The following IGSF10 variants were observed in gnomAD, a reference collection of about 807,000 sequenced individuals.
IGSF10 encodes the protein immunoglobulin superfamily member 10, also known as calvaria mechanical force protein 608.
Under a neutral mutation model 128.2 loss-of-function variants are expected in IGSF10, and 126 were observed. The ratio of observed to expected loss-of-function variants is 0.98; its 90% CI spans 0.85 to 1.14. IGSF10 has a LOEUF of 1.14. Among genes scored for constraint, IGSF10 ranks in the 50% most tolerant of loss-of-function variants. IGSF10 has a pLI of 0.00. For synonymous variants in IGSF10, 1,185 were observed against 1,146.2 expected, an observed-to-expected ratio of 1.03 and a Z score of -0.68; for missense variants, 3,295 against 3,149.8, an observed-to-expected ratio of 1.05 and a Z score of -1.10.
chr3:151,461,301 C>T (rs959551323), upstream of IGSF10: 30 of 985,328 alleles, frequency 3.0e-5, no homozygotes, highest in Admixed American at 6.1e-5. Context: ...CCTCCTTGAC[C>T]TCTTCCACCT....
the IGSF10 span, among the ~76,000 whole-genome samples, chr3:151,561,172 C>A: frequency 1.3e-5 from 2 of 152,106 alleles, no homozygotes; most frequent in Non-Finnish European, 2.9e-5. Flanking sequence ...CGAATCAGAA[C>A]AACAAGCAGC....
At chr3:151,561,734 G>C in the IGSF10 span, among the ~76,000 whole-genome samples, 11 of 152,054 alleles carry the variant, frequency 7.2e-5, no homozygotes, top group African/African-American at 2.7e-4. Flanking sequence ...AATAGGAAGG[G>C]GAGTGGGGAG....
At chr3:151,577,664 T>A in the IGSF10 span, among the ~76,000 whole-genome samples, 1 of 151,840 alleles carries the variant, frequency 6.6e-6, no homozygotes, top group African/African-American at 2.4e-5. Context: ...AAAAAAAAAA[T>A]CCACAAATGC....
At chr3:151,456,984 AC>A in intron 4 of IGSF10, 41 bp downstream of exon 4, 1 of 1,611,456 alleles carries the variant, frequency 6.2e-7, no homozygotes, top group Non-Finnish European at 8.5e-7. Context: ...CACAGGTCCC[AC>A]CTTACCTCTT....
At chr3:151,591,741 G>C in the IGSF10 span, among the ~76,000 whole-genome samples, 3 of 151,988 alleles carry the variant, frequency 2.0e-5, no homozygotes, top group Non-Finnish European at 4.4e-5. Flanking sequence ...ACTTAAGCCT[G>C]GCCTGGAAAA....
In IGSF10 at chr3:151,436,552, C is replaced by CTTTTA; in HGVS notation, c.*132_*136dup. On this transcript the variant is annotated 3_prime_UTR_variant, in exon 8 of 8. Coordinates refer to ENST00000282466, the MANE Select transcript of IGSF10 (RefSeq NM_178822.5). ...TTCATAATGCATTTATTTACAAGTC[C>CTTTTA]TTTTATTTTGCATGTTCATTGTAAA... is the stretch of plus-strand genomic sequence containing the variant. The CTTTTA allele has an allele frequency of 1.6e-6, 1 of 614,618 alleles. No homozygotes were observed. Among genetic ancestry groups the CTTTTA allele is most frequent in the Non-Finnish European group, 2.8e-6 (1 of 360,804 alleles). 38.1% of individuals were successfully genotyped at this position (614,618 alleles called of 1,614,324 possible).
chr3:151,441,465 T>C (rs1465756440), intron 7 of IGSF10, among the ~76,000 whole-genome samples: 1 of 152,210 alleles, frequency 6.6e-6, no homozygotes, highest in Non-Finnish European at 1.5e-5. Context: ...AATTAACATT[T>C]ACTTTTGAAC....
the IGSF10 span, among the ~76,000 whole-genome samples, chr3:151,539,765 C>CATCTATCTATCTATCT: frequency 2.8e-4 from 41 of 146,484 alleles, no homozygotes; most frequent in South Asian, 4.5e-4. Context: ...ATTTCAACAG[C>CATCTATCTATCTATCT]ATCTATCTAT....
the IGSF10 span, among the ~76,000 whole-genome samples, chr3:151,534,858 T>C: frequency 6.6e-6 from 1 of 151,458 alleles, no homozygotes; most frequent in Non-Finnish European, 1.5e-5. Context: ...GTTATAGGAA[T>C]CTAGAGGAAA....
chr3:151,511,646 C>A, the IGSF10 span, among the ~76,000 whole-genome samples: 1 of 152,130 alleles, frequency 6.6e-6, no homozygotes, highest in East Asian at 1.9e-4. Flanking sequence ...GGGCTAAATG[C>A]TCCAATTAAA....
In IGSF10 at chr3:151,446,913, A is replaced by G. The variant is rs2108552227; in HGVS notation, c.3068T>C (p.Ile1023Thr). 1.9e-6 allele frequency: 3 copies of G among 1,614,212 alleles called. No homozygotes were observed. In the Middle Eastern group the frequency reaches 4.9e-4, roughly 266 times the overall value. The change falls in exon 6 of 8, where the codon ATC becomes ACC. Residue 1023 changes from isoleucine (I) to threonine (T), a missense_variant. Ile to Thr is a moderately conservative substitution (Grantham distance 89). Transcript: ENST00000282466. The part of the protein sequence containing the change: ...QRKIGGRGRI[I>T]SPYRTPVLRR... ...CAGAACTGGAGTTCTATATGGGCTG[A>G]TAATCCGCCCCCTTCCGCCAATTTT...
chr3:151,524,328 T>C, the IGSF10 span, among the ~76,000 whole-genome samples: 5 of 152,048 alleles, frequency 3.3e-5, no homozygotes, highest in Non-Finnish European at 7.4e-5. Flanking sequence ...CACAGGGACA[T>C]GAATGTTCAC....
the IGSF10 span, among the ~76,000 whole-genome samples, chr3:151,586,076 C>T: frequency 6.6e-6 from 1 of 151,574 alleles, no homozygotes; most frequent in Non-Finnish European, 1.5e-5. Context: ...ACCTCCCGAG[C>T]TCAAGCAATC....
At chr3:151,435,316 T>C (rs1210015319), downstream of IGSF10, 1 of 150,790 alleles carries the variant, frequency 6.6e-6, no homozygotes, top group Non-Finnish European at 1.5e-5. Flanking sequence ...CTGTAGGCTT[T>C]TTCTTAATAG....
At chr3:151,531,253 C>T in the IGSF10 span, among the ~76,000 whole-genome samples, 3 of 152,080 alleles carry the variant, frequency 2.0e-5, no homozygotes, top group African/African-American at 4.8e-5. Flanking sequence ...GACTTTAACA[C>T]CCCACTGTCA....
the IGSF10 span, among the ~76,000 whole-genome samples, chr3:151,559,378 G>A: frequency 6.6e-6 from 1 of 152,120 alleles, no homozygotes; most frequent in African/African-American, 2.4e-5. Context: ...AGAGAGTTTA[G>A]AATAAAGATG....
chr3:151,607,922 A>G, the IGSF10 span, among the ~76,000 whole-genome samples: 1 of 150,000 alleles, frequency 6.7e-6, no homozygotes, highest in East Asian at 1.9e-4. Context: ...GAAAAAAAAA[A>G]AAAAAAAAAA....
the IGSF10 span, among the ~76,000 whole-genome samples, chr3:151,582,108 C>T: frequency 6.6e-6 from 1 of 151,788 alleles, no homozygotes; most frequent in Non-Finnish European, 1.5e-5. Flanking sequence ...TTACTTTGAA[C>T]AACACAAAAT....
chr3:151,572,339 C>G, the IGSF10 span, among the ~76,000 whole-genome samples: 1 of 152,306 alleles, frequency 6.6e-6, no homozygotes, highest in Admixed American at 6.5e-5. Flanking sequence ...GGCTGTGAAT[C>G]CATCTGGACC....
Sources: allele counts gnomAD v4.1 joint callset (sites outside exome capture counted in the v4.1 genomes callset), GRCh38; gene constraint gnomAD v4.1.1; transcripts MANE v1.5; gene names NCBI Gene and HGNC (gene_info 2026-07-23, HGNC 2026-07-21).